PITPNC1: variants seen among roughly 807,000 people sequenced by gnomAD.
The protein encoded by PITPNC1 is cytoplasmic phosphatidylinositol transfer protein 1.
PITPNC1 carries 18 observed loss-of-function variants against 44.7 expected under a neutral mutation model. That is an observed-to-expected ratio of 0.40 (90% CI 0.28 to 0.60). The LOEUF is 0.60. PITPNC1 is among the 20% of genes least tolerant of loss of function. PITPNC1 has a pLI of 0.39. For missense variants in PITPNC1, 290 were observed against 418.4 expected, an observed-to-expected ratio of 0.69 and a Z score of 2.68; for synonymous variants, 141 against 149.6, an observed-to-expected ratio of 0.94 and a Z score of 0.42.
intron 4 of PITPNC1, among the ~76,000 whole-genome samples, chr17:67,575,795 C>CTTCTTTCT (rs1191296746): frequency 5.3e-4 from 69 of 131,018 alleles, no homozygotes; most frequent in East Asian, 1.3e-3. Flanking sequence ...TCTTTCTTTC[C>CTTCTTTCT]TTCTTTCTTT....
chr17:67,400,712 T>G (rs1390581178), intron 1 of PITPNC1, among the ~76,000 whole-genome samples: 1 of 151,826 alleles, frequency 6.6e-6, no homozygotes, highest in Non-Finnish European at 1.5e-5. Flanking sequence ...GTGATTCTTC[T>G]TATAGCTGAT....
intron 1 of PITPNC1, among the ~76,000 whole-genome samples, chr17:67,516,982 A>G (rs978517622): frequency 1.4e-4 from 16 of 115,450 alleles, no homozygotes; most frequent in Non-Finnish European, 1.6e-4. Context: ...ACAGTACCCC[A>G]TGCTGCTCTG....
At chr17:67,462,733 A>C (rs1430067133) in intron 1 of PITPNC1, among the ~76,000 whole-genome samples, 1 of 114,562 alleles carries the variant, frequency 8.7e-6, no homozygotes, top group African/African-American at 3.5e-5. Context: ...ATGGAGTTTC[A>C]CTCTTGTTGC....
intron 5 of PITPNC1, among the ~76,000 whole-genome samples, chr17:67,598,166 G>A (rs1360702565): frequency 1.3e-5 from 2 of 152,088 alleles, no homozygotes; most frequent in African/African-American, 4.8e-5. Context: ...AGGTTGCAGT[G>A]AGCCAAGATC....
intron 6 of PITPNC1, among the ~76,000 whole-genome samples, chr17:67,647,021 T>C (rs1438812224): frequency 6.6e-6 from 1 of 152,152 alleles, no homozygotes; most frequent in Admixed American, 6.5e-5. Context: ...TGGAAATCAC[T>C]CTAAGAAATA....
intron 3 of PITPNC1, among the ~76,000 whole-genome samples, chr17:67,552,561 A>G (rs2040781752): frequency 6.6e-6 from 1 of 151,778 alleles, no homozygotes; most frequent in Non-Finnish European, 1.5e-5. Flanking sequence ...AAGCCATTCC[A>G]TCTTCGTTCT....
chr17:67,460,790 G>T (rs1394004714), intron 1 of PITPNC1, among the ~76,000 whole-genome samples: 1 of 145,436 alleles, frequency 6.9e-6, no homozygotes, highest in Admixed American at 7.1e-5. Flanking sequence ...TGTCACCCAG[G>T]CTGGAATGCA....
chr17:67,666,925 A>G (rs2042431949), intron 6 of PITPNC1, among the ~76,000 whole-genome samples: 1 of 152,178 alleles, frequency 6.6e-6, no homozygotes, highest in African/African-American at 2.4e-5. Context: ...CTTTATTTGT[A>G]AGCAGCCTGC....
rs2041218029 is a variant in PITPNC1, at chr17:67,580,676, A to C, written c.366+2419A>C. 2.6e-5 allele frequency among the ~76,000 whole-genome samples: 4 copies of C among 152,174 alleles called. No homozygotes were observed. In the South Asian group the frequency reaches 8.3e-4, roughly 31 times the overall value. ...TTTTTAAATATCTTTTAGTCTTTCC[A>C]AACAAATTTCCTTGCTTTCTCTCTT... On this transcript the variant is annotated intron_variant, in intron 5 of 8. Coordinates refer to ENST00000581322, the MANE Select transcript of PITPNC1 (RefSeq NM_012417.4).
intron 1 of PITPNC1, among the ~76,000 whole-genome samples, chr17:67,387,576 G>GA (rs1463489204): frequency 5.3e-5 from 8 of 152,208 alleles, no homozygotes; most frequent in African/African-American, 1.7e-4. Flanking sequence ...CAACGCAGGA[G>GA]AATTGCTTGA....
At chr17:67,585,133 A>AAAACCAGAC (rs1304235663) in intron 5 of PITPNC1, among the ~76,000 whole-genome samples, 1 of 150,390 alleles carries the variant, frequency 6.6e-6, no homozygotes, top group African/African-American at 2.4e-5. Flanking sequence ...AAAAAAAAAA[A>AAAACCAGAC]AAACCAGACA....
intron 1 of PITPNC1, among the ~76,000 whole-genome samples, chr17:67,430,464 T>C (rs1017805040): frequency 6.7e-6 from 1 of 149,904 alleles, no homozygotes; most frequent in African/African-American, 2.4e-5. Flanking sequence ...CTCGAGCCTC[T>C]GTGACAGAAC....
intron 8 of PITPNC1, among the ~76,000 whole-genome samples, chr17:67,688,520 T>G (rs2042863219): frequency 1.3e-5 from 2 of 152,024 alleles, no homozygotes; most frequent in Non-Finnish European, 2.9e-5. Flanking sequence ...TGCATGTGAT[T>G]GCCCTTGAGG....
rs1598910847 is a variant in PITPNC1, at chr17:67,632,296, A to G, written c.462+58A>G. ...TCATTCATTCATTCATTCCACAACT[A>G]TTTCTTAAGTGCCTCCTAACTTGGG... On this transcript the variant is annotated intron_variant, in intron 6 of 8. Transcript: ENST00000581322. 3.6e-6 allele frequency: 4 copies of G among 1,105,240 alleles called. No homozygotes were observed. In the East Asian group the frequency reaches 9.5e-5, roughly 26 times the overall value. 68.5% of individuals were successfully genotyped at this position (1,105,240 alleles called of 1,614,324 possible).
intron 1 of PITPNC1, among the ~76,000 whole-genome samples, chr17:67,479,014 T>A (rs148758035): frequency 1.9e-4 from 29 of 152,072 alleles, no homozygotes; most frequent in African/African-American, 7.0e-4. Flanking sequence ...TACCTCGGTG[T>A]CAAGCAATCA....
intron 4 of PITPNC1, among the ~76,000 whole-genome samples, chr17:67,554,540 G>A (rs1303099382): frequency 6.6e-6 from 1 of 152,130 alleles, no homozygotes; most frequent in Non-Finnish European, 1.5e-5. Context: ...TTACAGGTGT[G>A]AGCCACCACA....
intron 1 of PITPNC1, among the ~76,000 whole-genome samples, chr17:67,430,734 AG>A (rs35058307): frequency 0.064 from 9,735 of 151,712 alleles, 318 homozygotes; most frequent in Middle Eastern, 0.12. Flanking sequence ...TGGGAGGATC[AG>A]TTGAGGCCGG....
rs1376724978 is a variant in PITPNC1, at chr17:67,377,973, A to C, written c.-182A>C. 1 of 431,388 alleles carries C rather than the reference A, an allele frequency of 2.3e-6. No individual in the cohort carries two copies. The allele number at this position is 431,388 out of a possible 1,614,324, so 26.7% of individuals were successfully genotyped here. A position where few individuals can be genotyped will look rare whatever the true frequency, so the allele number is the denominator to read the frequency against. On this transcript the variant is annotated 5_prime_UTR_variant, in exon 1 of 9. Coordinates refer to ENST00000581322, the MANE Select transcript of PITPNC1 (RefSeq NM_012417.4). ...GGGAGCTGCGAACACCCAGACCCAA[A>C]CCCTGACATGCTCTGGGGCGGAGAG...
At chr17:67,507,909 G>T (rs1302328247) in intron 1 of PITPNC1, among the ~76,000 whole-genome samples, 1 of 151,998 alleles carries the variant, frequency 6.6e-6, no homozygotes, top group Non-Finnish European at 1.5e-5. Flanking sequence ...CCATCTGAGT[G>T]CTGTGGTCTT....
Sources: gnomAD v4.1 joint callset for allele counts (sites outside exome capture counted in the v4.1 genomes callset) on GRCh38, gnomAD v4.1.1 for gene constraint, MANE v1.5 for transcripts, NCBI Gene and HGNC (gene_info 2026-07-23, HGNC 2026-07-21) for gene names.